Variants in KCNAB1 observed in about 807,000 individuals in gnomAD.
The protein encoded by KCNAB1 is potassium voltage-gated channel subfamily A regulatory beta subunit 1, also known as voltage-gated potassium channel subunit beta-1.
KCNAB1 carries 35 observed loss-of-function variants against 64.6 expected under a neutral mutation model. That is an observed-to-expected ratio of 0.54 (90% CI 0.41 to 0.72). KCNAB1 has a LOEUF of 0.72. Among genes scored for constraint, KCNAB1 ranks in the 30% least tolerant of loss-of-function variants. KCNAB1 has a pLI of 0.00. For missense variants in KCNAB1, 401 were observed against 512.9 expected (o/e 0.78, Z 2.11); for synonymous variants, 177 against 183.8 (o/e 0.96, Z 0.30).
chr3:156,289,939 C>A (rs1223450245), intron 1 of KCNAB1, among the ~76,000 whole-genome samples: 1 of 152,112 alleles, frequency 6.6e-6, no homozygotes, highest in Non-Finnish European at 1.5e-5. Context: ...TCCTCTCCTG[C>A]TAATCAAATT....
chr3:156,375,657 C>A (rs1291904393), intron 1 of KCNAB1, among the ~76,000 whole-genome samples: 1 of 135,244 alleles, frequency 7.4e-6, no homozygotes, highest in East Asian at 1.9e-4. Flanking sequence ...GGAAGGAATA[C>A]TTGAATTGAT....
At chr3:156,524,604 G>A (rs192438634) in intron 12 of KCNAB1, among the ~76,000 whole-genome samples, 416 of 151,958 alleles carry the variant, frequency 2.7e-3, no homozygotes, top group South Asian at 5.0e-3. Context: ...AAAATTAGCC[G>A]GGCGTGGTGG....
At position 156,338,303 on chromosome 3, in the gene KCNAB1, C is replaced by CTTTTTTTTTTTTTTTTTTTTT. The variant is rs34671816; in HGVS notation, c.276-83306_276-83286dup. Among the ~76,000 whole-genome samples, 134 of 39,498 alleles carry CTTTTTTTTTTTTTTTTTTTTT rather than the reference C, an allele frequency of 3.4e-3. 33 individuals carry two copies. Among genetic ancestry groups the CTTTTTTTTTTTTTTTTTTTTT allele is most frequent in the East Asian group, 8.5e-3 (10 of 1,174 alleles). 25.9% of individuals were successfully genotyped at this position (39,498 alleles called of 152,430 possible). A position where few individuals can be genotyped will look rare whatever the true frequency, so the allele number is the denominator to read the frequency against. ...TCTTATACTTTCTTTGGCATTTGCA[C>CTTTTTTTTTTTTTTTTTTTTT]TTTTTTTTTTTTTTTTTTTTTTTTT... On this transcript the variant is annotated intron_variant, in intron 1 of 13. Coordinates refer to ENST00000490337, the MANE Select transcript of KCNAB1 (RefSeq NM_172160.3).
At chr3:156,245,184 A>G (rs1717378746) in intron 1 of KCNAB1, among the ~76,000 whole-genome samples, 1 of 152,114 alleles carries the variant, frequency 6.6e-6, no homozygotes, top group Non-Finnish European at 1.5e-5. Flanking sequence ...CTTAGAATTT[A>G]CCTTCTAGAG....
chr3:156,503,177 C>T (rs987729562), intron 8 of KCNAB1, among the ~76,000 whole-genome samples: 4 of 152,050 alleles, frequency 2.6e-5, no homozygotes, highest in East Asian at 1.9e-4. Context: ...TAGTAGAAAA[C>T]GGTGGGGCTA....
intron 1 of KCNAB1, among the ~76,000 whole-genome samples, chr3:156,376,771 G>T (rs774579149): frequency 3.9e-5 from 6 of 152,162 alleles, no homozygotes; most frequent in Admixed American, 6.5e-5. Context: ...GGGTTGTTTA[G>T]TTGTGTTTTA....
intron 1 of KCNAB1, among the ~76,000 whole-genome samples, chr3:156,209,986 A>T (rs907889814): frequency 6.6e-6 from 1 of 152,220 alleles, no homozygotes; most frequent in East Asian, 1.9e-4. Context: ...CTTGATATTA[A>T]TTTAAAACTA....
At chr3:156,442,437 T>A (rs1218675341) in intron 2 of KCNAB1, among the ~76,000 whole-genome samples, 1 of 152,150 alleles carries the variant, frequency 6.6e-6, no homozygotes, top group East Asian at 1.9e-4. Flanking sequence ...ACAAAATGGT[T>A]CCAGACAGAT....
chr3:156,471,660 T>C (rs1713906338), intron 7 of KCNAB1, among the ~76,000 whole-genome samples: 3 of 152,238 alleles, frequency 2.0e-5, no homozygotes. Context: ...TACTTAAACT[T>C]AAAACAATAC....
chr3:156,252,519 A>T (rs137996609), intron 1 of KCNAB1, among the ~76,000 whole-genome samples: 131 of 152,318 alleles, frequency 8.6e-4, no homozygotes, highest in African/African-American at 3.1e-3. Flanking sequence ...CTTTGGTTGA[A>T]ATAAAGTATT....
At chr3:156,407,766 T>C (rs974662703) in intron 1 of KCNAB1, among the ~76,000 whole-genome samples, 1 of 152,210 alleles carries the variant, frequency 6.6e-6, no homozygotes, top group African/African-American at 2.4e-5. Context: ...GCTGTGAACA[T>C]GATCTCTTCC....
rs1182188759 is a variant in KCNAB1, at chr3:156,457,629, C to T, written c.437+97C>T. 2.8e-6 allele frequency: 3 copies of T among 1,066,846 alleles called. No individual in the cohort carries two copies. The African/African-American group carries it at 4.7e-5, about 17-fold the overall frequency. The allele number at this position is 1,066,846 out of a possible 1,614,324, so 66.1% of individuals were successfully genotyped here. ...AGCATGTTGGTGAAAAGGTTCTGTC[C>T]TTTCTCCACGTGTTGGCAGCTCTGC... On this transcript the variant is annotated intron_variant, in intron 4 of 13. Coordinates refer to ENST00000490337, the MANE Select transcript of KCNAB1 (RefSeq NM_172160.3).
At chr3:156,308,559 A>G (rs1345294027) in intron 1 of KCNAB1, among the ~76,000 whole-genome samples, 1 of 152,202 alleles carries the variant, frequency 6.6e-6, no homozygotes, top group African/African-American at 2.4e-5. Flanking sequence ...CATGATGATA[A>G]TGATGCAGTT....
intron 1 of KCNAB1, chr3:156,175,997 C>G: frequency 1.1e-6 from 1 of 905,956 alleles, no homozygotes. Flanking sequence ...CACACATACA[C>G]AAACCTGTCG....
intron 1 of KCNAB1, among the ~76,000 whole-genome samples, chr3:156,314,167 A>G (rs780355889): frequency 1.3e-5 from 2 of 152,258 alleles, no homozygotes; most frequent in Non-Finnish European, 1.5e-5. Flanking sequence ...TTTATTGAGC[A>G]TATGCTATAT....
At chr3:156,199,525 T>C (rs1714189458) in intron 1 of KCNAB1, among the ~76,000 whole-genome samples, 1 of 152,242 alleles carries the variant, frequency 6.6e-6, no homozygotes, top group Non-Finnish European at 1.5e-5. Flanking sequence ...CTTTTCATTC[T>C]TTTTTCTCTA....
intron 1 of KCNAB1, among the ~76,000 whole-genome samples, chr3:156,121,628 C>CA (rs1175683023): frequency 1.3e-5 from 2 of 151,554 alleles, no homozygotes; most frequent in East Asian, 1.9e-4. Flanking sequence ...ATAATTTGTG[C>CA]AAAAAATCTC....
rs138922992 is a variant in KCNAB1, at chr3:156,423,800, G to A, written c.319+2141G>A. Among the ~76,000 whole-genome samples, 388 of 152,170 alleles carry A rather than the reference G, an allele frequency of 2.5e-3. 4 individuals carry two copies. Among genetic ancestry groups the A allele is most frequent in the African/African-American group, 8.9e-3 (369 of 41,510 alleles). ...AGTTGGCATTTAAACTGAGTAGAAA[G>A]GAAAATGAGGACAGAGTCAGGAAAA... is the stretch of plus-strand genomic sequence containing the variant. On this transcript the variant is annotated intron_variant, in intron 2 of 13. Transcript: ENST00000490337.
intron 1 of KCNAB1, among the ~76,000 whole-genome samples, chr3:156,413,697 A>C (rs977201602): frequency 6.6e-6 from 1 of 152,186 alleles, no homozygotes; most frequent in African/African-American, 2.4e-5. Flanking sequence ...GAAAGTCATA[A>C]GTGAGTAGCA....
Sources: gnomAD v4.1 joint callset for allele counts (sites outside exome capture counted in the v4.1 genomes callset) on GRCh38, gnomAD v4.1.1 for gene constraint, MANE v1.5 for transcripts, NCBI Gene and HGNC (gene_info 2026-07-23, HGNC 2026-07-21) for gene names.